The following HHIP variants were observed in gnomAD, a reference collection of about 807,000 sequenced individuals.
HHIP encodes hedgehog-interacting protein.
In HHIP, 12 loss-of-function variants were observed where a neutral mutation model predicts 74.0. That is an observed-to-expected ratio of 0.16 (90% CI 0.10 to 0.26). HHIP has a LOEUF of 0.26. HHIP is among the 10% of genes least tolerant of loss of function. The pLI, the probability that HHIP is intolerant of heterozygous loss-of-function variation, is 1.00. For missense variants in HHIP, 788 were observed against 845.0 expected (o/e 0.93, Z 0.84); for synonymous variants, 309 against 311.6 (o/e 0.99, Z 0.09).
intron 4 of HHIP, among the ~76,000 whole-genome samples, chr4:144,660,960 A>G (rs144712443): frequency 3.7e-4 from 57 of 152,322 alleles, no homozygotes; most frequent in Admixed American, 1.3e-3. Context: ...AATACTAATT[A>G]TTTGAGAGAA....
chr4:144,716,348 CAT>C (rs1730443671), intron 10 of HHIP, among the ~76,000 whole-genome samples: 1 of 152,030 alleles, frequency 6.6e-6, no homozygotes, highest in African/African-American at 2.4e-5. Flanking sequence ...TGTTGAAACA[CAT>C]AAGATAAGTT....
At chr4:144,717,866 T>C (rs1730506897) in intron 10 of HHIP, among the ~76,000 whole-genome samples, 1 of 152,194 alleles carries the variant, frequency 6.6e-6, no homozygotes, top group African/African-American at 2.4e-5. Context: ...CCCAATTTCA[T>C]GTGGCCTCAA....
chr4:144,692,642 A>G (rs1240306764), intron 4 of HHIP, among the ~76,000 whole-genome samples: 1 of 152,124 alleles, frequency 6.6e-6, no homozygotes. Context: ...AGCCCTCTCC[A>G]AAGTTGAAAT....
chr4:144,722,248 A>G (rs1178206867), intron 11 of HHIP, among the ~76,000 whole-genome samples: 1 of 152,168 alleles, frequency 6.6e-6, no homozygotes, highest in Non-Finnish European at 1.5e-5. Flanking sequence ...GAGCAAGTCT[A>G]TCTAGGTCAG....
intron 11 of HHIP, among the ~76,000 whole-genome samples, chr4:144,730,148 A>G (rs2126685070): frequency 6.6e-6 from 1 of 152,322 alleles, no homozygotes; most frequent in Admixed American, 6.5e-5. Flanking sequence ...TGGATGTTAT[A>G]AATAACTTAT....
Position 144,680,040 on chromosome 4 carries a change from T to A in HHIP, c.831+20202T>A, listed in dbSNP as rs17019625. On this transcript the variant is annotated intron_variant, in intron 4 of 12. Coordinates refer to ENST00000296575, the MANE Select transcript of HHIP (RefSeq NM_022475.3). ...TTTCTCATTGACAGTCTTTGTTATA[T>A]TTAAACATGTTCGTGAAATTAATGC... 5.4e-3 allele frequency among the ~76,000 whole-genome samples: 821 copies of A among 152,318 alleles called. 8 individuals are homozygous for A. The highest frequency in any genetic ancestry group is 0.019 in the African/African-American group (801 of 41,568).
At chr4:144,671,663 C>A (rs1405871573) in intron 4 of HHIP, among the ~76,000 whole-genome samples, 1 of 152,136 alleles carries the variant, frequency 6.6e-6, no homozygotes, top group Admixed American at 6.5e-5. Flanking sequence ...CTTCGGGGAT[C>A]ATGACGGCCT....
rs1228501483 is a variant in HHIP at position 144,698,278 on chromosome 4, A to G, written c.832-8253A>G. Among the ~76,000 whole-genome samples the G allele has an allele frequency of 2.0e-5, 3 of 152,308 alleles. No homozygotes were observed. In the East Asian group the frequency reaches 5.8e-4, roughly 29 times the overall value. ...AACAGCATTTGAAAATTGTATATGCAGTTATGCACTGCATAAAGACATTTG... is the reference window on the plus strand; with the variant it reads ...AACAGCATTTGAAAATTGTATATGCGGTTATGCACTGCATAAAGACATTTG... On this transcript the variant is annotated intron_variant, in intron 4 of 12. Transcript: ENST00000296575.
chr4:144,684,232 A>ATTTTTTT lies in HHIP; in HGVS notation c.832-22261_832-22255dup, dbSNP rs1174297815. Among the ~76,000 whole-genome samples, 20 of 63,008 alleles carry ATTTTTTT rather than the reference A, an allele frequency of 3.2e-4. 1 individual carries two copies. Among genetic ancestry groups the ATTTTTTT allele is most frequent in the East Asian group, 4.7e-4 (1 of 2,132 alleles). 41.3% of individuals were successfully genotyped at this position (63,008 alleles called of 152,430 possible). A position where few individuals can be genotyped will look rare whatever the true frequency, so the allele number is the denominator to read the frequency against. ...ATGAAAAATACAAAAAAAAAAAAGA[A>ATTTTTTT]TTTTTTTTTTTTTTTTTTTTTTTTT... is the stretch of plus-strand genomic sequence containing the variant. On this transcript the variant is annotated intron_variant, in intron 4 of 12. Coordinates refer to ENST00000296575, the MANE Select transcript of HHIP (RefSeq NM_022475.3).
chr4:144,671,850 G>A (rs1312053350), intron 4 of HHIP, among the ~76,000 whole-genome samples: 1 of 152,116 alleles, frequency 6.6e-6, no homozygotes, highest in Non-Finnish European at 1.5e-5. Context: ...TGAGTGTGGT[G>A]ATGGGCACCT....
At chr4:144,697,368 C>T (rs1200185885) in intron 4 of HHIP, among the ~76,000 whole-genome samples, 1 of 151,954 alleles carries the variant, frequency 6.6e-6, no homozygotes, top group Non-Finnish European at 1.5e-5. Flanking sequence ...AGATATTTCA[C>T]ACAGTTTAAT....
intron 4 of HHIP, among the ~76,000 whole-genome samples, chr4:144,690,733 T>C (rs1729632750): frequency 6.6e-6 from 1 of 152,094 alleles, no homozygotes. Flanking sequence ...TTTTGCTTTG[T>C]TGTTATTTTG....
At chr4:144,736,360 T>A (rs114251202) in intron 12 of HHIP, among the ~76,000 whole-genome samples, 147 of 152,212 alleles carry the variant, frequency 9.7e-4, no homozygotes, top group African/African-American at 3.4e-3. Context: ...GGTCTTGAAC[T>A]CTCAACCTCA....
intron 12 of HHIP, among the ~76,000 whole-genome samples, chr4:144,735,317 G>A (rs1242528589): frequency 6.6e-6 from 1 of 152,084 alleles, no homozygotes; most frequent in Non-Finnish European, 1.5e-5. Flanking sequence ...TCCTACCACA[G>A]CAGACTAAAA....
chr4:144,728,724 A>C (rs1276960507), intron 11 of HHIP, among the ~76,000 whole-genome samples: 1 of 152,110 alleles, frequency 6.6e-6, no homozygotes, highest in East Asian at 1.9e-4. Context: ...TACATTAGGA[A>C]ATGTGTGTTG....
At chr4:144,658,737 G>A (rs1728616668) in intron 2 of HHIP, 53 bp from the exon 3 acceptor site, 4 of 1,419,856 alleles carry the variant, frequency 2.8e-6, no homozygotes, top group Non-Finnish European at 3.9e-6. Flanking sequence ...CAAATAAGGT[G>A]GTTTTACTAT....
intron 3 of HHIP, 39 bp downstream of exon 3, chr4:144,658,985 A>C: frequency 6.6e-7 from 1 of 1,523,114 alleles, no homozygotes; most frequent in Non-Finnish European, 8.9e-7. Context: ...TTTTAAAAAA[A>C]CCCAACTGAC....
At chr4:144,667,388 T>C (rs1485608316) in intron 4 of HHIP, among the ~76,000 whole-genome samples, 1 of 152,146 alleles carries the variant, frequency 6.6e-6, no homozygotes, top group Non-Finnish European at 1.5e-5. Context: ...AATGTATCTG[T>C]ATAACTTACG....
intron 1 of HHIP, among the ~76,000 whole-genome samples, chr4:144,651,901 C>T (rs116305729): frequency 3.9e-5 from 6 of 151,964 alleles, no homozygotes; most frequent in South Asian, 2.1e-4. Context: ...AAAAGCACTT[C>T]GTTAAACTCT....
Sources: allele counts gnomAD v4.1 joint callset (sites outside exome capture counted in the v4.1 genomes callset), GRCh38; gene constraint gnomAD v4.1.1; transcripts MANE v1.5; gene names NCBI Gene and HGNC (gene_info 2026-07-23, HGNC 2026-07-21).